The following CDC42SE2 variants were observed in gnomAD, a reference collection of about 807,000 sequenced individuals.
The protein encoded by CDC42SE2 is CDC42 small effector 2.
A neutral mutation model predicts 11.5 loss-of-function variants in CDC42SE2; 3 were observed. The observed-to-expected ratio is 0.26, with a 90% CI of 0.12 to 0.67. The LOEUF (loss-of-function observed/expected upper bound fraction) is 0.67, where lower values mean the gene tolerates loss of function less well. Ranked by LOEUF, CDC42SE2 falls within the 30% of genes least tolerant of loss-of-function variation. The pLI is 0.80. For synonymous variants in CDC42SE2, 33 were observed against 34.8 expected, an observed-to-expected ratio of 0.95 and a Z score of 0.18; for missense variants, 82 against 106.8, an observed-to-expected ratio of 0.77 and a Z score of 1.02.
intron 1 of CDC42SE2, among the ~76,000 whole-genome samples, chr5:131,303,238 A>C (rs560650515): frequency 6.6e-6 from 1 of 152,308 alleles, no homozygotes; most frequent in Admixed American, 6.5e-5. Flanking sequence ...ATTGAACTAG[A>C]TTTCTTACAG....
At chr5:131,376,012 G>C (rs1028427653) in intron 3 of CDC42SE2, among the ~76,000 whole-genome samples, 4 of 152,140 alleles carry the variant, frequency 2.6e-5, no homozygotes, top group Non-Finnish European at 5.9e-5. Flanking sequence ...GCCAAGGTGG[G>C]TGGATTAGTT....
chr5:131,346,393 A>G (rs1758845394), intron 2 of CDC42SE2, among the ~76,000 whole-genome samples: 1 of 152,214 alleles, frequency 6.6e-6, no homozygotes, highest in South Asian at 2.1e-4. Flanking sequence ...ACAAAGATCA[A>G]AAGAGACAAA....
At chr5:131,338,451 A>G (rs1293617711) in intron 2 of CDC42SE2, among the ~76,000 whole-genome samples, 1 of 152,190 alleles carries the variant, frequency 6.6e-6, no homozygotes, top group East Asian at 1.9e-4. Context: ...GGCAGTTCAG[A>G]GTTTTGAGCA....
chr5:131,215,268 G>C, the CDC42SE2 span, among the ~76,000 whole-genome samples: 1 of 152,200 alleles, frequency 6.6e-6, no homozygotes, highest in Non-Finnish European at 1.5e-5. Context: ...CCTGTAAAAT[G>C]AGAAGTCTGG....
At chr5:131,367,067 T>TTA (rs1047502506) in intron 3 of CDC42SE2, among the ~76,000 whole-genome samples, 9 of 151,164 alleles carry the variant, frequency 6.0e-5, no homozygotes, top group Non-Finnish European at 8.8e-5. Context: ...TTTTATATGC[T>TTA]TATATATATA....
chr5:131,244,255 AT>A (rs1256398890), upstream of CDC42SE2, among the ~76,000 whole-genome samples: 2 of 152,244 alleles, frequency 1.3e-5, no homozygotes. Flanking sequence ...ATAGTGGGTG[AT>A]ATGAATCTAC....
intron 1 of CDC42SE2, among the ~76,000 whole-genome samples, chr5:131,300,520 C>A (rs1757656564): frequency 6.6e-6 from 1 of 152,160 alleles, no homozygotes; most frequent in Non-Finnish European, 1.5e-5. Flanking sequence ...CGCAGTGGCT[C>A]ACGCCTGTAA....
At chr5:131,311,736 G>A (rs531852466) in intron 1 of CDC42SE2, among the ~76,000 whole-genome samples, 25 of 152,012 alleles carry the variant, frequency 1.6e-4, no homozygotes, top group African/African-American at 4.8e-4. Flanking sequence ...TGATCACATC[G>A]GCTCCTGAGG....
the CDC42SE2 span, among the ~76,000 whole-genome samples, chr5:131,239,746 G>A: frequency 1.3e-5 from 2 of 152,124 alleles, no homozygotes; most frequent in Admixed American, 1.3e-4. Context: ...CCTCACCATA[G>A]GGGTAGAATA....
the CDC42SE2 span, among the ~76,000 whole-genome samples, chr5:131,225,093 A>G: frequency 4.6e-5 from 7 of 152,264 alleles, 1 homozygote; most frequent in Admixed American, 4.6e-4. Context: ...CTCAGAGGAT[A>G]GCAGCAGCCT....
At chr5:131,236,573 G>A in the CDC42SE2 span, among the ~76,000 whole-genome samples, 1 of 152,044 alleles carries the variant, frequency 6.6e-6, no homozygotes, top group Non-Finnish European at 1.5e-5. Flanking sequence ...GACTACAGGA[G>A]TGCACCATCA....
intron 2 of CDC42SE2, among the ~76,000 whole-genome samples, chr5:131,333,436 A>G (rs1160033869): frequency 2.6e-5 from 4 of 152,120 alleles, no homozygotes; most frequent in African/African-American, 9.7e-5. Context: ...CTTAGGATTG[A>G]CTTGGCGATG....
intron 1 of CDC42SE2, among the ~76,000 whole-genome samples, chr5:131,290,475 T>C (rs1376614766): frequency 2.0e-5 from 3 of 147,814 alleles, no homozygotes; most frequent in Non-Finnish European, 4.4e-5. Flanking sequence ...TTTCTTTCTT[T>C]TTTTTTTTTT....
intron 2 of CDC42SE2, among the ~76,000 whole-genome samples, chr5:131,352,853 C>T (rs530839794): frequency 6.6e-6 from 1 of 152,288 alleles, no homozygotes; most frequent in African/African-American, 2.4e-5. Context: ...GACCCCCTTC[C>T]CCAGTAATTT....
chr5:131,244,939 A>G (rs1756568592), upstream of CDC42SE2, among the ~76,000 whole-genome samples: 1 of 152,136 alleles, frequency 6.6e-6, no homozygotes, highest in Admixed American at 6.5e-5. Context: ...ATGATAAGGG[A>G]CAGCAGGAGC....
In CDC42SE2 at chr5:131,346,410, C is replaced by T. The variant is rs571967790; in HGVS notation, c.-285-12799C>T. On this transcript the variant is annotated intron_variant, in intron 2 of 4. Coordinates refer to ENST00000505065, the MANE Select transcript of CDC42SE2 (RefSeq NM_001375635.1). ...AAAGATCAAAAGAGACAAAGAAGGT[C>T]ATTGCGTAATGGTAAAGGGATCAAT... Among the ~76,000 whole-genome samples the T allele has an allele frequency of 1.6e-3, 244 of 152,306 alleles. 2 individuals carry two copies. Among genetic ancestry groups the T allele is most frequent in the African/African-American group, 5.1e-3 (212 of 41,556 alleles).
intron 2 of CDC42SE2, among the ~76,000 whole-genome samples, chr5:131,346,221 A>G (rs1758840727): frequency 6.6e-6 from 1 of 152,224 alleles, no homozygotes; most frequent in African/African-American, 2.4e-5. Flanking sequence ...TTGGATAAAG[A>G]GTCAAGACCC....
At chr5:131,384,694 T>G (rs1365794664) in intron 3 of CDC42SE2, among the ~76,000 whole-genome samples, 1 of 151,556 alleles carries the variant, frequency 6.6e-6, no homozygotes, top group Non-Finnish European at 1.5e-5. Flanking sequence ...CTCTAAGGGG[T>G]AGATGAGCAT....
chr5:131,267,065 T>TG (rs1307653760), intron 1 of CDC42SE2, among the ~76,000 whole-genome samples: 3 of 151,022 alleles, frequency 2.0e-5, no homozygotes, highest in Non-Finnish European at 4.4e-5. Context: ...ATTTTTTTTT[T>TG]TTTTTTTTGA....
Sources: allele counts gnomAD v4.1 joint callset (sites outside exome capture counted in the v4.1 genomes callset), GRCh38; gene constraint gnomAD v4.1.1; transcripts MANE v1.5; gene names NCBI Gene and HGNC (gene_info 2026-07-23, HGNC 2026-07-21).